Variants in ADARB2 observed in about 807,000 individuals in gnomAD.
The protein encoded by ADARB2 is adenosine deaminase RNA specific B2 (inactive), also known as inactive double-stranded RNA-specific editase B2.
In ADARB2, 25 loss-of-function variants were observed where a neutral mutation model predicts 62.2. The observed-to-expected ratio is 0.40, with a 90% CI of 0.29 to 0.56. The LOEUF is 0.56. Ranked by LOEUF, ADARB2 falls within the 20% of genes least tolerant of loss-of-function variation. The probability of loss-of-function intolerance (pLI) is 0.43; values close to 1 mark genes in which losing one functional copy is unlikely to be tolerated. For missense variants in ADARB2, 1,071 were observed against 1,077.4 expected (o/e 0.99, Z 0.08); for synonymous variants, 572 against 500.8 (o/e 1.14, Z -1.90).
intron 1 of ADARB2, among the ~76,000 whole-genome samples, chr10:1,420,693 G>C (rs1339267477): frequency 6.6e-6 from 1 of 151,608 alleles, no homozygotes; most frequent in East Asian, 1.9e-4. Flanking sequence ...CGCTGACAGA[G>C]AGGGAGCCGC....
At chr10:1,648,620 C>T (rs1467989171) in intron 1 of ADARB2, among the ~76,000 whole-genome samples, 1 of 152,114 alleles carries the variant, frequency 6.6e-6, no homozygotes, top group African/African-American at 2.4e-5. Flanking sequence ...CCCTGGCCCC[C>T]GTGGAAACAT....
At chr10:1,585,886 TGGCTGGGTG>T (rs1445638127) in intron 1 of ADARB2, among the ~76,000 whole-genome samples, 1 of 151,982 alleles carries the variant, frequency 6.6e-6, no homozygotes, top group Admixed American at 6.5e-5. Context: ...TACAAAAAAC[TGGCTGGGTG>T]GGGTGGCGGG....
At chr10:1,553,396 A>G (rs2131980072) in intron 1 of ADARB2, among the ~76,000 whole-genome samples, 1 of 152,204 alleles carries the variant, frequency 6.6e-6, no homozygotes, top group South Asian at 2.1e-4. Context: ...GCGGATTCTG[A>G]CGGCGTCAGC....
rs532983641 is a variant in ADARB2 at position 1,310,752 on chromosome 10, A to G, written c.1078-39683T>C. On this transcript the variant is annotated intron_variant, in intron 3 of 9. Coordinates refer to ENST00000381312, the MANE Select transcript of ADARB2 (RefSeq NM_018702.4). ...GGCTCTCCAGGCCCCTGGCGCCTCA[A>G]TCTCCTGTCCCGTTTCACTCTGACT... 3.9e-5 allele frequency among the ~76,000 whole-genome samples: 6 copies of G among 152,276 alleles called. No individual in the cohort carries two copies. In the South Asian group the frequency reaches 1.2e-3, roughly 32 times the overall value.
chr10:1,620,441 A>T (rs1833691813), intron 1 of ADARB2, among the ~76,000 whole-genome samples: 2 of 152,206 alleles, frequency 1.3e-5, no homozygotes, highest in South Asian at 2.1e-4. Flanking sequence ...AAGAGGAAAT[A>T]AAAAAACTAC....
At chr10:1,283,324 T>C (rs1358577688) in intron 3 of ADARB2, among the ~76,000 whole-genome samples, 2 of 152,242 alleles carry the variant, frequency 1.3e-5, no homozygotes, top group Non-Finnish European at 2.9e-5. Flanking sequence ...TGCCAGACAC[T>C]TTCTAAATGC....
At chr10:1,337,550 T>C (rs1831985853) in intron 3 of ADARB2, among the ~76,000 whole-genome samples, 1 of 152,064 alleles carries the variant, frequency 6.6e-6, no homozygotes. Flanking sequence ...ACCGAGAAAG[T>C]GTAATTTTTT....
intron 4 of ADARB2, among the ~76,000 whole-genome samples, chr10:1,253,556 A>G (rs1028778721): frequency 1.3e-5 from 2 of 152,214 alleles, no homozygotes; most frequent in Non-Finnish European, 2.9e-5. Context: ...TTAAACACCT[A>G]CCTTATTCAA....
intron 1 of ADARB2, among the ~76,000 whole-genome samples, chr10:1,555,766 CT>C (rs1222353675): frequency 1.3e-5 from 2 of 152,142 alleles, no homozygotes; most frequent in African/African-American, 4.8e-5. Flanking sequence ...GAAACCCTGT[CT>C]CTACTAAAAA....
chr10:1,567,372 G>A (rs1832872755), intron 1 of ADARB2, among the ~76,000 whole-genome samples: 1 of 152,238 alleles, frequency 6.6e-6, no homozygotes, highest in Non-Finnish European at 1.5e-5. Flanking sequence ...GGTGGGATGG[G>A]TGGTGCCTGG....
intron 1 of ADARB2, among the ~76,000 whole-genome samples, chr10:1,528,339 G>T (rs1355513558): frequency 6.6e-6 from 1 of 152,122 alleles, no homozygotes; most frequent in Non-Finnish European, 1.5e-5. Context: ...CGTTGGTATC[G>T]ATGTTTGGAA....
At chr10:1,473,408 G>A (rs990491760) in intron 1 of ADARB2, among the ~76,000 whole-genome samples, 32 of 151,784 alleles carry the variant, frequency 2.1e-4, no homozygotes, top group African/African-American at 7.5e-4. Flanking sequence ...TTCCTGACAG[G>A]GCCTCACTCT....
intron 1 of ADARB2, chr10:1,675,882 G>A (rs1225551031): frequency 1.3e-6 from 1 of 744,856 alleles, no homozygotes; most frequent in Non-Finnish European, 1.6e-6. Context: ...CCTCAGCTCT[G>A]AGTGGCAGCT....
chr10:1,449,244 C>T (rs1002302825), intron 1 of ADARB2, among the ~76,000 whole-genome samples: 27 of 152,334 alleles, frequency 1.8e-4, no homozygotes, highest in African/African-American at 5.8e-4. Context: ...GACTCTGCCT[C>T]GGTCAGGGCT....
At chr10:1,399,640 T>C (rs1338786538) in intron 1 of ADARB2, among the ~76,000 whole-genome samples, 1 of 152,138 alleles carries the variant, frequency 6.6e-6, no homozygotes, top group Non-Finnish European at 1.5e-5. Context: ...TCCTGCTGTG[T>C]GATGATCACG....
At chr10:1,705,250 CAGGGTTGCA>C (rs1564200101) in intron 1 of ADARB2, among the ~76,000 whole-genome samples, 2 of 152,188 alleles carry the variant, frequency 1.3e-5, no homozygotes, top group Non-Finnish European at 2.9e-5. Flanking sequence ...CTGTGCTTGG[CAGGGTTGCA>C]GGGGCTGCAT....
intron 1 of ADARB2, among the ~76,000 whole-genome samples, chr10:1,619,945 A>T (rs1833687709): frequency 6.6e-6 from 1 of 152,212 alleles, no homozygotes; most frequent in Non-Finnish European, 1.5e-5. Flanking sequence ...ATACTTCTAA[A>T]TAACCCATGG....
At chr10:1,454,712 T>C (rs1453362196) in intron 1 of ADARB2, among the ~76,000 whole-genome samples, 1 of 152,104 alleles carries the variant, frequency 6.6e-6, no homozygotes, top group African/African-American at 2.4e-5. Flanking sequence ...ACAGTTTCAG[T>C]TCTGGAAGAT....
chr10:1,259,736 T>C (rs1268518341), intron 4 of ADARB2, among the ~76,000 whole-genome samples: 1 of 152,188 alleles, frequency 6.6e-6, no homozygotes, highest in Non-Finnish European at 1.5e-5. Context: ...GAGGAACTGG[T>C]ACCATTCCTT....
Sources: gnomAD v4.1 joint callset for allele counts (sites outside exome capture counted in the v4.1 genomes callset) on GRCh38, gnomAD v4.1.1 for gene constraint, MANE v1.5 for transcripts, NCBI Gene and HGNC (gene_info 2026-07-23, HGNC 2026-07-21) for gene names.